The following MGAT4C variants were observed in gnomAD, a reference collection of about 807,000 sequenced individuals.
MGAT4C encodes alpha-1,3-mannosyl-glycoprotein 4-beta-N-acetylglucosaminyltransferase C.
In MGAT4C, 19 loss-of-function variants were observed where a neutral mutation model predicts 40.1. The ratio of observed to expected loss-of-function variants is 0.47; its 90% CI spans 0.33 to 0.70. The LOEUF (loss-of-function observed/expected upper bound fraction) is 0.70, where lower values mean the gene tolerates loss of function less well. MGAT4C is among the 30% of genes least tolerant of loss of function. The pLI is 0.02. For synonymous variants in MGAT4C, 181 were observed against 187.1 expected, an observed-to-expected ratio of 0.97 and a Z score of 0.27; for missense variants, 491 against 563.2, an observed-to-expected ratio of 0.87 and a Z score of 1.30.
chr12:86,188,858 A>G (rs376639010), intron 1 of MGAT4C, among the ~76,000 whole-genome samples: 1 of 151,984 alleles, frequency 6.6e-6, no homozygotes, highest in South Asian at 2.1e-4. Context: ...AACCTATGAT[A>G]AGTTATTGAT....
At chr12:86,461,568 T>C (rs1055042747) in intron 2 of MGAT4C, among the ~76,000 whole-genome samples, 2 of 152,166 alleles carry the variant, frequency 1.3e-5, no homozygotes, top group Non-Finnish European at 2.9e-5. Context: ...AATAGTTATA[T>C]ACATACTATA....
intron 1 of MGAT4C, among the ~76,000 whole-genome samples, chr12:86,816,348 T>C (rs907541417): frequency 6.6e-6 from 1 of 151,912 alleles, no homozygotes; most frequent in East Asian, 1.9e-4. Flanking sequence ...TACAAGTTTG[T>C]TTAAATTAGT....
At chr12:86,786,490 T>G (rs1180648689) in intron 1 of MGAT4C, among the ~76,000 whole-genome samples, 2 of 152,088 alleles carry the variant, frequency 1.3e-5, no homozygotes, top group Non-Finnish European at 2.9e-5. Context: ...AATATGTTGG[T>G]GAGATTCTAA....
intron 1 of MGAT4C, among the ~76,000 whole-genome samples, chr12:86,782,470 C>A (rs913339687): frequency 6.6e-6 from 1 of 152,078 alleles, no homozygotes; most frequent in African/African-American, 2.4e-5. Flanking sequence ...AGTGAGCCAC[C>A]GCGCCCAGAC....
chr12:86,142,293 A>C (rs1244563001), intron 1 of MGAT4C, among the ~76,000 whole-genome samples: 1 of 152,168 alleles, frequency 6.6e-6, no homozygotes, highest in Non-Finnish European at 1.5e-5. Flanking sequence ...TATAGCACAC[A>C]TGTGCAGGTT....
At chr12:86,311,348 C>T (rs977445149) in intron 4 of MGAT4C, among the ~76,000 whole-genome samples, 9 of 152,314 alleles carry the variant, frequency 5.9e-5, no homozygotes, top group Non-Finnish European at 1.2e-4. Flanking sequence ...AGAAAAGGTA[C>T]AGTAAAGATA....
intron 2 of MGAT4C, among the ~76,000 whole-genome samples, chr12:86,546,185 T>G (rs1959192101): frequency 6.6e-6 from 1 of 151,936 alleles, no homozygotes; most frequent in African/African-American, 2.4e-5. Flanking sequence ...TGTTTATGTA[T>G]TTTGCTTTAT....
chr12:86,708,257 G>C (rs1262568299), intron 2 of MGAT4C, among the ~76,000 whole-genome samples: 3 of 152,216 alleles, frequency 2.0e-5, no homozygotes, highest in East Asian at 3.9e-4. Context: ...GCTTCAGAGA[G>C]TGCAAGCCTC....
chr12:86,729,879 G>T (rs920173123), intron 1 of MGAT4C, among the ~76,000 whole-genome samples: 3 of 151,974 alleles, frequency 2.0e-5, no homozygotes, highest in Non-Finnish European at 4.4e-5. Flanking sequence ...AATTGCTCTT[G>T]TTCCTAATAG....
intron 2 of MGAT4C, among the ~76,000 whole-genome samples, chr12:86,471,573 T>C (rs1957758645): frequency 6.6e-6 from 1 of 152,062 alleles, no homozygotes; most frequent in African/African-American, 2.4e-5. Flanking sequence ...AAAGTAAGAA[T>C]ATGCACTATA....
At chr12:86,458,033 C>A (rs1357012923) in intron 2 of MGAT4C, among the ~76,000 whole-genome samples, 1 of 151,746 alleles carries the variant, frequency 6.6e-6, no homozygotes. Flanking sequence ...CAATACAAAA[C>A]AAAAAGTAAA....
chr12:86,466,677 T>C lies in MGAT4C; in HGVS notation c.-228-31412A>G, dbSNP rs1460655320. On this transcript the variant is annotated intron_variant, in intron 2 of 7. Transcript: ENST00000548651. ...GCAACACAAAGTCAGAACTCTAATGTAAACTATGGAGTTTGAGTTACTATG... is the reference window on the plus strand; with the variant it reads ...GCAACACAAAGTCAGAACTCTAATGCAAACTATGGAGTTTGAGTTACTATG... Among the ~76,000 whole-genome samples the C allele has an allele frequency of 2.0e-5, 3 of 152,188 alleles. No individual in the cohort carries two copies. In the East Asian group the frequency reaches 5.8e-4, roughly 29 times the overall value.
intron 2 of MGAT4C, among the ~76,000 whole-genome samples, chr12:85,992,712 C>T (rs1302769975): frequency 1.3e-5 from 2 of 152,222 alleles, no homozygotes; most frequent in African/African-American, 4.8e-5. Flanking sequence ...AACTTAGTGT[C>T]AAGCACTTTG....
At chr12:86,192,304 A>T (rs887191162) in intron 1 of MGAT4C, among the ~76,000 whole-genome samples, 4 of 152,106 alleles carry the variant, frequency 2.6e-5, no homozygotes, top group Non-Finnish European at 4.4e-5. Context: ...GGCACTGATT[A>T]GGAAGAAATG....
chr12:86,604,879 T>C (rs1430366559), intron 2 of MGAT4C, among the ~76,000 whole-genome samples: 1 of 152,148 alleles, frequency 6.6e-6, no homozygotes, highest in Non-Finnish European at 1.5e-5. Flanking sequence ...CATAAGACTC[T>C]AGGGAGCATG....
At chr12:86,270,180 C>T (rs140022358) in intron 4 of MGAT4C, among the ~76,000 whole-genome samples, 299 of 152,220 alleles carry the variant, frequency 2.0e-3, no homozygotes, top group African/African-American at 6.9e-3. Context: ...GATTCTCCGG[C>T]CTCAGCCTCC....
chr12:86,201,358 C>T (rs1167307929), intron 1 of MGAT4C, among the ~76,000 whole-genome samples: 2 of 151,462 alleles, frequency 1.3e-5, no homozygotes, highest in Non-Finnish European at 1.5e-5. Context: ...ATCCATTGTT[C>T]TACTTGTTTA....
At chr12:86,408,479 CTATATATATATATATATATA>C (rs71076198) in intron 3 of MGAT4C, among the ~76,000 whole-genome samples, 1 of 63,368 alleles carries the variant, frequency 1.6e-5, no homozygotes, top group African/African-American at 7.8e-5. Flanking sequence ...CTCTCTCTCT[CTATATATATATATATATATA>C]TATATATATA....
At chr12:86,628,722 G>A (rs985354910) in intron 2 of MGAT4C, among the ~76,000 whole-genome samples, 33 of 152,216 alleles carry the variant, frequency 2.2e-4, no homozygotes, top group African/African-American at 5.1e-4. Context: ...CACCAGGCCC[G>A]CCTTACAAGA....
Sources: allele counts gnomAD v4.1 joint callset (sites outside exome capture counted in the v4.1 genomes callset), GRCh38; gene constraint gnomAD v4.1.1; transcripts MANE v1.5; gene names NCBI Gene and HGNC (gene_info 2026-07-23, HGNC 2026-07-21).